Variants in BANP observed in about 807,000 individuals in gnomAD.
BANP encodes BTG3 associated nuclear protein, also known as protein BANP.
A neutral mutation model predicts 68.1 loss-of-function variants in BANP; 11 were observed. The observed-to-expected ratio is 0.16, with a 90% confidence interval of 0.10 to 0.27. The LOEUF (loss-of-function observed/expected upper bound fraction) is 0.27. Among genes scored for constraint, BANP ranks in the 10% least tolerant of loss-of-function variants. BANP has a pLI of 1.00. For missense variants in BANP, 504 were observed against 722.7 expected, an observed-to-expected ratio of 0.70 and a Z score of 3.47; for synonymous variants, 329 against 303.2, an observed-to-expected ratio of 1.09 and a Z score of -0.88.
rs2091739302 is a variant in BANP at position 88,077,212 on chromosome 16, C to T, written c.*551C>T. 6.6e-6 allele frequency: 1 copy of T among 152,408 alleles called. No individual in the cohort carries two copies. The highest frequency in any genetic ancestry group is 6.5e-5 in the Admixed American group (1 of 15,290). The allele number at this position is 152,408 out of a possible 1,614,324, so 9.4% of individuals were successfully genotyped here. A position where few individuals can be genotyped will look rare whatever the true frequency, so the allele number is the denominator to read the frequency against. On this transcript the variant is annotated 3_prime_UTR_variant, in exon 14 of 14. Transcript: ENST00000682872. ...GTCATGAGGCAGGTGTTTGCAAAGCCAGCTCTCGGTTCCGATGGGGTATTG... is the reference window on the plus strand; with the variant it reads ...GTCATGAGGCAGGTGTTTGCAAAGCTAGCTCTCGGTTCCGATGGGGTATTG...
intron 1 of BANP, among the ~76,000 whole-genome samples, chr16:87,970,706 C>T (rs758315679): frequency 1.3e-5 from 2 of 152,272 alleles, no homozygotes; most frequent in African/African-American, 4.8e-5. Flanking sequence ...GAATTGCACA[C>T]AAGGCAAGGC....
rs535266813 is a variant in BANP, at chr16:87,960,441, A to T, written c.-69+8926A>T. On this transcript the variant is annotated intron_variant, in intron 1 of 13. Transcript: ENST00000682872. ...TGGTAGCAGGTGGGGCACATCGTGT[A>T]TTGGCAGGGTTTTGTTATTTTTATC... Among the ~76,000 whole-genome samples the T allele has an allele frequency of 6.6e-5, 10 of 152,300 alleles. No individual in the cohort carries two copies. The East Asian group carries it at 1.9e-3, about 29-fold the overall frequency.
rs1373824163 is a variant in BANP at position 87,975,067 on chromosome 16, A to C, written c.-49A>C. The C allele has an allele frequency of 2.6e-6, 4 of 1,550,978 alleles. No homozygotes were observed. The highest frequency in any genetic ancestry group is 3.6e-6 in the Non-Finnish European group (4 of 1,124,182). On this transcript the variant is annotated 5_prime_UTR_variant, in exon 2 of 14. Coordinates refer to ENST00000682872, the MANE Select transcript of BANP (RefSeq NM_001386991.1). ...TGGTAGGTGACCAAAAGCCAGCCCCACTGTGAGTTGAACTCTTTCGTGTTG... is the reference window on the plus strand; with the variant it reads ...TGGTAGGTGACCAAAAGCCAGCCCCCCTGTGAGTTGAACTCTTTCGTGTTG...
Position 88,058,155 on chromosome 16 carries a change from T to C in BANP, c.1312-7112T>C, listed in dbSNP as rs896016998. Among the ~76,000 whole-genome samples the C allele has an allele frequency of 3.0e-4, 46 of 152,292 alleles. 1 individual carries two copies. The highest frequency in any genetic ancestry group is 2.4e-3 in the Admixed American group (36 of 15,296). ...GATGCAGGACTGTGCCCGTGCCTGG[T>C]TAAAACGTTGAAGCTGGTGCTAAAG... is the stretch of plus-strand genomic sequence containing the variant. On this transcript the variant is annotated intron_variant, in intron 11 of 13. Transcript: ENST00000682872.
intron 4 of BANP, among the ~76,000 whole-genome samples, chr16:87,996,749 G>A (rs11640820): frequency 0.34 from 52,333 of 152,176 alleles, 10,193 homozygotes; most frequent in Non-Finnish European, 0.46. Context: ...TCCCTGTGTC[G>A]TTGTCTGCAC....
At chr16:87,964,777 C>T (rs1015401741) in intron 1 of BANP, among the ~76,000 whole-genome samples, 7 of 152,110 alleles carry the variant, frequency 4.6e-5, no homozygotes, top group East Asian at 1.9e-4. Context: ...AAGACGAGGC[C>T]GGATCAGGGT....
intron 1 of BANP, among the ~76,000 whole-genome samples, chr16:87,955,299 G>C (rs1034701265): frequency 2.0e-5 from 3 of 152,218 alleles, no homozygotes; most frequent in African/African-American, 7.2e-5. Context: ...TTGGGTATTT[G>C]TGAGAAACGC....
At position 88,002,815 on chromosome 16, in the gene BANP, G is replaced by A. The variant is rs1053423551; in HGVS notation, c.363-1480G>A. Among the ~76,000 whole-genome samples the A allele has an allele frequency of 1.3e-5, 2 of 152,224 alleles. No homozygotes were observed. The highest frequency in any genetic ancestry group is 2.9e-5 in the Non-Finnish European group (2 of 68,046). ...TTCTTCTCAGACTGTCAGTGTGCCA[G>A]TGGCCACTGTGAATAGTCATTAGGG... On this transcript the variant is annotated intron_variant, in intron 4 of 13. Coordinates refer to ENST00000682872, the MANE Select transcript of BANP (RefSeq NM_001386991.1). This position sits in a 1 kb window ranked among gnomAD's most constrained non-coding sequence, Gnocchi z 4.6.
At chr16:88,013,333 C>G (rs1258725825) in intron 6 of BANP, among the ~76,000 whole-genome samples, 1 of 152,212 alleles carries the variant, frequency 6.6e-6, no homozygotes, top group Non-Finnish European at 1.5e-5. Flanking sequence ...GATTCAGGAG[C>G]CTGCCTGACA....
At chr16:88,001,468 C>T (rs1483929514) in intron 4 of BANP, among the ~76,000 whole-genome samples, 1 of 152,266 alleles carries the variant, frequency 6.6e-6, no homozygotes. Flanking sequence ...ACTTTTTCCA[C>T]ATCGGTCCTT....
intron 1 of BANP, among the ~76,000 whole-genome samples, chr16:87,959,559 C>G (rs2058725634): frequency 6.6e-6 from 1 of 152,208 alleles, no homozygotes; most frequent in Non-Finnish European, 1.5e-5. Flanking sequence ...GGAGGAGGCC[C>G]CCTGGAGGAA....
At chr16:87,977,392 C>G (rs1257263209) in intron 2 of BANP, among the ~76,000 whole-genome samples, 2 of 149,046 alleles carry the variant, frequency 1.3e-5, no homozygotes, top group Non-Finnish European at 1.5e-5. Context: ...GCACTCCAGG[C>G]TGGGCGACAG....
intron 7 of BANP, among the ~76,000 whole-genome samples, chr16:88,026,200 C>A (rs529111073): frequency 1.3e-5 from 2 of 152,182 alleles, no homozygotes; most frequent in African/African-American, 4.8e-5. Flanking sequence ...GCACGGTGAG[C>A]CCCAGGAAGA....
Position 88,018,804 on chromosome 16 carries a change from G to C in BANP, c.895+137G>C. On this transcript the variant is annotated intron_variant, in intron 7 of 13. Coordinates refer to ENST00000682872, the MANE Select transcript of BANP (RefSeq NM_001386991.1). The surrounding 1 kb of genome is among the most constrained non-coding windows in gnomAD (Gnocchi z 7.7). The stretch of plus-strand genomic sequence containing the variant: ...TCCAGGCGGTTTGAAATCTCAGCCC[G>C]AGGATCAGTGCTCGAGGGGATGGAT... 5.1e-6 allele frequency: 6 copies of C among 1,168,536 alleles called. No individual in the cohort carries two copies. The highest frequency in any genetic ancestry group is 7.1e-6 in the Non-Finnish European group (6 of 843,894). 72.4% of individuals were successfully genotyped at this position (1,168,536 alleles called of 1,614,324 possible).
In BANP at chr16:88,036,375, A is replaced by C. The variant is rs138123529; in HGVS notation, c.1272+981A>C. On this transcript the variant is annotated intron_variant, in intron 10 of 13. Transcript: ENST00000682872. The surrounding 1 kb of genome is among the most constrained non-coding windows in gnomAD (Gnocchi z 4.2). ...ATGTTGGCGTGCGAGGCCTCCTGGG[A>C]GCTCATGCTGGGTGCAGGTGCTGTG... 0.013 allele frequency among the ~76,000 whole-genome samples: 1,918 copies of C among 152,182 alleles called. 35 individuals carry two copies. The highest frequency in any genetic ancestry group is 0.04 in the African/African-American group (1,669 of 41,500).
intron 7 of BANP, among the ~76,000 whole-genome samples, chr16:88,024,194 C>T (rs904564610): frequency 1.3e-5 from 2 of 152,270 alleles, no homozygotes; most frequent in Non-Finnish European, 1.5e-5. Context: ...CCCGTCTCCC[C>T]GAGCACCTCT....
chr16:87,990,864 G>C (rs956455094), intron 4 of BANP, among the ~76,000 whole-genome samples: 1 of 152,166 alleles, frequency 6.6e-6, no homozygotes, highest in African/African-American at 2.4e-5. Context: ...CCAGGTTCAC[G>C]CCATTCTCCT....
chr16:88,058,319 G>A (rs1053402775), intron 11 of BANP, among the ~76,000 whole-genome samples: 8 of 152,208 alleles, frequency 5.3e-5, no homozygotes, highest in African/African-American at 1.9e-4. Context: ...AGGTGGGCCC[G>A]AGGAGGACGG....
At chr16:87,973,920 T>C (rs1044654205) in intron 1 of BANP, among the ~76,000 whole-genome samples, 1 of 152,196 alleles carries the variant, frequency 6.6e-6, no homozygotes, top group African/African-American at 2.4e-5. Flanking sequence ...GACTTATCCA[T>C]GAATAGAAGT....
Sources: gnomAD v4.1 joint callset for allele counts (sites outside exome capture counted in the v4.1 genomes callset) on GRCh38, gnomAD v4.1.1 for gene constraint, Gnocchi (gnomAD v3.1) non-coding constraint, MANE v1.5 for transcripts, NCBI Gene and HGNC (gene_info 2026-07-23, HGNC 2026-07-21) for gene names.